The following TMEM144 variants were observed in gnomAD, a reference collection of about 807,000 sequenced individuals.
The protein encoded by TMEM144 is transmembrane protein 144.
Under a neutral mutation model 43.6 loss-of-function variants are expected in TMEM144, and 39 were observed. That is an observed-to-expected ratio of 0.90 (90% confidence interval 0.69 to 1.17). The LOEUF (loss-of-function observed/expected upper bound fraction) is 1.17, where lower values mean the gene tolerates loss of function less well. TMEM144 is among the 50% of genes most tolerant of loss of function. The pLI is 0.00. For missense variants in TMEM144, 417 were observed against 411.9 expected, an observed-to-expected ratio of 1.01 and a Z score of -0.11; for synonymous variants, 154 against 133.6, an observed-to-expected ratio of 1.15 and a Z score of -1.06.
chr4:158,236,747 A>C (rs1044402685), intron 8 of TMEM144, among the ~76,000 whole-genome samples: 2 of 151,872 alleles, frequency 1.3e-5, no homozygotes, highest in Admixed American at 6.6e-5. Flanking sequence ...GTGCAGTGGC[A>C]AAGTGCTGGG....
At chr4:158,252,825 A>T (rs1019579359) in intron 12 of TMEM144, among the ~76,000 whole-genome samples, 3 of 150,102 alleles carry the variant, frequency 2.0e-5, no homozygotes, top group Non-Finnish European at 4.5e-5. Context: ...AAAAAAAAGA[A>T]AAAAAGAAAA....
chr4:158,212,382 A>AG (rs1157246174), intron 2 of TMEM144, among the ~76,000 whole-genome samples: 1 of 152,170 alleles, frequency 6.6e-6, no homozygotes, highest in East Asian at 1.9e-4. Flanking sequence ...TGTACTAAAA[A>AG]TTTGTCTTCA....
Position 158,253,571 on chromosome 4 carries a change from G to T in TMEM144, c.*44G>T, listed in dbSNP as rs372334545. The T allele has an allele frequency of 6.7e-7, 1 of 1,486,298 alleles. No homozygotes were observed. The highest frequency in any genetic ancestry group is 9.4e-7 in the Non-Finnish European group (1 of 1,067,050). The allele number at this position is 1,486,298 out of a possible 1,614,324, so 92.1% of individuals were successfully genotyped here. On this transcript the variant is annotated 3_prime_UTR_variant, in exon 13 of 13. Coordinates refer to ENST00000296529, the MANE Select transcript of TMEM144 (RefSeq NM_018342.5). ...GTGGCAGCAGTAGTTAAGAGAACGC[G>T]TCTATCGGACAGCGGAGAGATCATG...
At chr4:158,227,673 C>A (rs1734843754) in intron 6 of TMEM144, among the ~76,000 whole-genome samples, 1 of 152,070 alleles carries the variant, frequency 6.6e-6, no homozygotes. Context: ...AAAACCAGCT[C>A]TCCAAGCGTA....
chr4:158,230,775 G>T (rs114982653), intron 6 of TMEM144, among the ~76,000 whole-genome samples: 55 of 152,064 alleles, frequency 3.6e-4, no homozygotes, highest in African/African-American at 1.2e-3. Flanking sequence ...CTACTGTAGG[G>T]GTGGAAAGGT....
Position 158,217,527 on chromosome 4 carries a change from T to G in TMEM144, c.332+107T>G. On this transcript the variant is annotated intron_variant, in intron 5 of 12. Coordinates refer to ENST00000296529, the MANE Select transcript of TMEM144 (RefSeq NM_018342.5). ...ATATGATTCTTATTCTCACAGAGTT[T>G]ATAGCTGGTAAAACATACACATCAT... 4 of 789,862 alleles carry G rather than the reference T, an allele frequency of 5.1e-6. No homozygotes were observed. The South Asian group carries it at 5.2e-5, about 10-fold the overall frequency. 48.9% of individuals were successfully genotyped at this position (789,862 alleles called of 1,614,324 possible). A position where few individuals can be genotyped will look rare whatever the true frequency, so the allele number is the denominator to read the frequency against.
At chr4:158,218,772 T>C (rs2111106920) in intron 5 of TMEM144, among the ~76,000 whole-genome samples, 1 of 152,350 alleles carries the variant, frequency 6.6e-6, no homozygotes, top group South Asian at 2.1e-4. Context: ...TACTTTTATG[T>C]ATACTAACTC....
chr4:158,232,870 T>C (rs1560830858), intron 6 of TMEM144, 31 bp from the exon 7 acceptor site: 1 of 1,498,180 alleles, frequency 6.7e-7, no homozygotes, highest in Admixed American at 1.8e-5. Context: ...AGTATTATGA[T>C]AAATATCACT....
chr4:158,212,506 G>C (rs1469170583), intron 2 of TMEM144, 102 bp from the exon 3 acceptor site: 2 of 523,520 alleles, frequency 3.8e-6, no homozygotes. Context: ...CTGCAAAAAG[G>C]AGTCTTAGCG....
chr4:158,247,169 G>A (rs992074161), intron 12 of TMEM144, among the ~76,000 whole-genome samples: 30 of 151,956 alleles, frequency 2.0e-4, no homozygotes, highest in African/African-American at 5.1e-4. Flanking sequence ...TGAAAAGGAC[G>A]TGATAATACT....
chr4:158,214,615 A>T (rs146516301), intron 3 of TMEM144, among the ~76,000 whole-genome samples: 93 of 152,286 alleles, frequency 6.1e-4, no homozygotes, highest in African/African-American at 2.2e-3. Flanking sequence ...AGTAACCTTG[A>T]CCTAGATAGC....
At chr4:158,222,895 A>G (rs1043109474) in intron 6 of TMEM144, among the ~76,000 whole-genome samples, 1 of 152,180 alleles carries the variant, frequency 6.6e-6, no homozygotes, top group East Asian at 1.9e-4. Flanking sequence ...CTTTTAAATT[A>G]CCTATGCCTT....
At chr4:158,239,053 G>A (rs866449392) in intron 9 of TMEM144, among the ~76,000 whole-genome samples, 6 of 152,040 alleles carry the variant, frequency 3.9e-5, no homozygotes, top group Non-Finnish European at 5.9e-5. Context: ...TTTGTTTTAC[G>A]ATTGAGAAAA....
At chr4:158,217,534 G>T in intron 5 of TMEM144, 114 bp downstream of exon 5, 1 of 722,096 alleles carries the variant, frequency 1.4e-6, no homozygotes, top group Non-Finnish European at 2.3e-6. Flanking sequence ...GTTTATAGCT[G>T]GTAAAACATA....
At chr4:158,244,182 T>C in intron 11 of TMEM144, 114 bp from the exon 12 acceptor site, 1 of 604,926 alleles carries the variant, frequency 1.7e-6, no homozygotes. Flanking sequence ...GGGTTGATAT[T>C]ATGGGTAGTT....
At chr4:158,219,116 A>C (rs1216001470) in intron 5 of TMEM144, among the ~76,000 whole-genome samples, 194 bp from the exon 6 acceptor site, 1 of 152,136 alleles carries the variant, frequency 6.6e-6, no homozygotes, top group East Asian at 1.9e-4. Context: ...CCATCTCAAA[A>C]AAAAATTTTT....
At chr4:158,217,843 C>G (rs1734305923) in intron 5 of TMEM144, among the ~76,000 whole-genome samples, 1 of 152,166 alleles carries the variant, frequency 6.6e-6, no homozygotes, top group Non-Finnish European at 1.5e-5. Flanking sequence ...GATTCAAACC[C>G]AGGTCTTCTA....
chr4:158,241,248 C>A (rs1365923914), intron 10 of TMEM144, among the ~76,000 whole-genome samples: 1 of 151,992 alleles, frequency 6.6e-6, no homozygotes, highest in Non-Finnish European at 1.5e-5. Flanking sequence ...CTTTTCATCA[C>A]CCAGTCTCTA....
At chr4:158,249,899 TG>T (rs1736103482) in intron 12 of TMEM144, among the ~76,000 whole-genome samples, 1 of 113,100 alleles carries the variant, frequency 8.8e-6, no homozygotes, top group Non-Finnish European at 1.9e-5. Flanking sequence ...TGTGTGTGTG[TG>T]TGTGTGTGTG....
Sources: gnomAD v4.1 joint callset for allele counts (sites outside exome capture counted in the v4.1 genomes callset) on GRCh38, gnomAD v4.1.1 for gene constraint, MANE v1.5 for transcripts, NCBI Gene and HGNC (gene_info 2026-07-23, HGNC 2026-07-21) for gene names.